The following CCNP variants were observed in gnomAD, a reference collection of about 807,000 sequenced individuals.
The protein encoded by CCNP is cyclin-P.
A neutral mutation model predicts 19.6 loss-of-function variants in CCNP; 18 were observed. That is an observed-to-expected ratio of 0.92 (90% CI 0.64 to 1.36). The LOEUF (loss-of-function observed/expected upper bound fraction) is 1.36. CCNP is among the 40% of genes most tolerant of loss of function. The probability of loss-of-function intolerance (pLI) is 0.00; values close to 1 mark genes in which losing one functional copy is unlikely to be tolerated. For missense variants in CCNP, 440 were observed against 424.4 expected, an observed-to-expected ratio of 1.04 and a Z score of -0.32; for synonymous variants, 228 against 194.9, an observed-to-expected ratio of 1.17 and a Z score of -1.41.
At position 40,223,535 on chromosome 19, in the gene CCNP, G is replaced by C. The variant is rs1973488243; in HGVS notation, c.525C>G (p.Leu175=). The C allele has an allele frequency of 6.3e-7, 1 of 1,599,704 alleles. No homozygotes were observed. The highest frequency in any genetic ancestry group is 1.1e-5 in the South Asian group (1 of 89,904). Residue 175 remains leucine (L), a synonymous_variant, in exon 4 of 5, where the codon CTC becomes CTG. Coordinates refer to ENST00000430325, the MANE Select transcript of CCNP (RefSeq NM_024877.4). ...AGAAGGAGTCCGCGCTCAGGAGGCA[G>C]AGGAAGGCGGGCTGCAGATGGGGGA... ...EECVLPEPAF[L]CLLSADSFSR...
At position 40,226,506 on chromosome 19, in the gene CCNP, C is replaced by T. The variant is rs551585907; in HGVS notation, c.136G>A (p.Asp46Asn). 1.7e-5 allele frequency: 27 copies of T among 1,598,032 alleles called. No individual in the cohort carries two copies. The South Asian group carries it at 2.0e-4, about 12-fold the overall frequency. ...DAEPSSAAVP[D>N]GFPAGPTVSP... ...ACAGTGGGGCCCGCGGGGAAGCCGTCGGGGACTGCGGCGCTTGAAGGCTCT... is the reference window on the plus strand; with the variant it reads ...ACAGTGGGGCCCGCGGGGAAGCCGTTGGGGACTGCGGCGCTTGAAGGCTCT... The change falls in exon 1 of 5, where the codon GAC becomes AAC. Residue 46 changes from aspartate (D) to asparagine (N), a missense_variant. Physicochemically the swap from Asp to Asn is conservative, Grantham distance 23 (BLOSUM62 1). Transcript: ENST00000430325.
In CCNP at chr19:40,223,077, G is replaced by T. The variant is rs1488386798; in HGVS notation, c.899C>A (p.Ser300Tyr). Residue 300 changes from serine to tyrosine, a missense_variant, in exon 5 of 5, where the codon TCT becomes TAT. Coordinates refer to ENST00000430325, the MANE Select transcript of CCNP (RefSeq NM_024877.4). ...RDLPSWSFLR[S>Y]RRMRDNY ...TCAATAATTGTCTCTCATTCTCCGA[G>T]ACCGTAAAAATGACCAGGAAGGTAA... is the stretch of plus-strand genomic sequence containing the variant. 2 of 1,543,990 alleles carry T rather than the reference G, an allele frequency of 1.3e-6. No individual in the cohort carries two copies. Among genetic ancestry groups the T allele is most frequent in the East Asian group, 2.4e-5 (1 of 40,864 alleles).
In CCNP at chr19:40,224,493, G is replaced by A; in HGVS notation, c.508C>T (p.Pro170Ser). The A allele has an allele frequency of 6.2e-7, 1 of 1,614,056 alleles. No homozygotes were observed. The highest frequency in any genetic ancestry group is 8.5e-7 in the Non-Finnish European group (1 of 1,180,000). ...VACKMEECVL[P>S]EPAFLCLLSA... is the part of the protein sequence containing the mutation. ...AAACCCCACCCCGGAAGTACCTCGG[G>A]AAGCACGCACTCTTCCATTTTGCAC... is the stretch of plus-strand genomic sequence containing the variant. Residue 170 changes from proline to serine, a missense_variant, in exon 3 of 5, where the codon CCC (proline) becomes TCC (serine). Coordinates refer to ENST00000430325, the MANE Select transcript of CCNP (RefSeq NM_024877.4).
chr19:40,226,276 A>C, intron 1 of CCNP, 99 bp downstream of exon 1: 4 of 1,044,776 alleles, frequency 3.8e-6, no homozygotes, highest in Non-Finnish European at 4.2e-6. Flanking sequence ...AGTGATAGGG[A>C]GGAGAGGCTG....
In CCNP at chr19:40,223,069, T is replaced by C; in HGVS notation, c.907A>G (p.Met303Val). The change falls in exon 5 of 5, where the codon ATG (methionine) becomes GTG (valine). Residue 303 changes from methionine (M) to valine (V), a missense_variant. Met to Val is a conservative substitution (Grantham distance 21). Transcript: ENST00000430325. The stretch of plus-strand genomic sequence containing the variant: ...CCTCCTCCTCAATAATTGTCTCTCA[T>C]TCTCCGAGACCGTAAAAATGACCAG... Reference protein sequence around the residue: ...PSWSFLRSRRMRDNY With the variant: ...PSWSFLRSRRVRDNY 1 of 1,535,566 alleles carries C rather than the reference T, an allele frequency of 6.5e-7. No homozygotes were observed. Among genetic ancestry groups the C allele is most frequent in the South Asian group, 1.2e-5 (1 of 83,234 alleles).
At chr19:40,224,960 C>T (rs528132429) in intron 1 of CCNP, 149 bp from the exon 2 acceptor site, 11 of 661,062 alleles carry the variant, frequency 1.7e-5, no homozygotes, top group Admixed American at 5.6e-5. Context: ...GCTCCTCTTA[C>T]GTGTCCTCAC....
intron 2 of CCNP, 39 bp downstream of exon 2, chr19:40,224,683 G>A: frequency 1.9e-6 from 3 of 1,611,296 alleles, no homozygotes; most frequent in Non-Finnish European, 2.5e-6. Flanking sequence ...CCTGGGCGGC[G>A]ACGCAAACTC....
Position 40,223,185 on chromosome 19 carries a change from C to G in CCNP, c.791G>C (p.Gly264Ala), listed in dbSNP as rs1973476307. 6.4e-7 allele frequency: 1 copy of G among 1,551,132 alleles called. No homozygotes were observed. The highest frequency in any genetic ancestry group is 1.2e-5 in the South Asian group (1 of 84,052). Residue 264 changes from glycine to alanine, a missense_variant, in exon 5 of 5, where the codon GGG (glycine) becomes GCG (alanine). By Grantham distance (60) the Gly-to-Ala change is moderately conservative. Transcript: ENST00000430325. ...TTCTGGCTGGAGCCTGGAGCCCGCC[C>G]CGTCGAGCAAGCGGTGCGCCAGGCT... is the stretch of plus-strand genomic sequence containing the variant. ...ALSLAHRLLDGAGSRLQPELY... is the reference protein window; with the variant it reads ...ALSLAHRLLDAAGSRLQPELY...
chr19:40,226,158 T>G (rs1292364377), intron 1 of CCNP, among the ~76,000 whole-genome samples: 1 of 152,232 alleles, frequency 6.6e-6, no homozygotes, highest in Admixed American at 6.5e-5. Flanking sequence ...CAGGAGGGAC[T>G]GCAAAGAGCC....
chr19:40,226,473 T>G lies in CCNP; in HGVS notation c.169A>C (p.Arg57=). The change falls in exon 1 of 5, where the codon AGA becomes CGA. Residue 57 remains arginine, a synonymous_variant. Transcript: ENST00000430325. ...AGCCCCGGCGGCCTCGCCAGGCGTC[T>G]TGGGGAGACAGTGGGGCCCGCGGGG... ...GFPAGPTVSP[R]RLARPPGLEE... The G allele has an allele frequency of 6.2e-7, 1 of 1,607,150 alleles. No homozygotes were observed. Among genetic ancestry groups the G allele is most frequent in the Non-Finnish European group, 8.5e-7 (1 of 1,177,970 alleles).
chr19:40,226,480 GAC>G lies in CCNP; in HGVS notation c.160_161del (p.Val54LeufsTer73). 1 of 1,606,172 alleles carries G rather than the reference GAC, an allele frequency of 6.2e-7. No individual in the cohort carries two copies. Among genetic ancestry groups the G allele is most frequent in the Non-Finnish European group, 8.5e-7 (1 of 1,177,488 alleles). ...VPDGFPAGPT[V>X]SPRRLARPPG... ...GCGGCCTCGCCAGGCGTCTTGGGGA[GAC>G]AGTGGGGCCCGCGGGGAAGCCGTCG... On this transcript the variant is annotated frameshift_variant, in exon 1 of 5. Coordinates refer to ENST00000430325, the MANE Select transcript of CCNP (RefSeq NM_024877.4). LOFTEE classifies it high-confidence loss of function.
intron 3 of CCNP, 145 bp from the exon 4 acceptor site, chr19:40,223,691 G>A (rs781693253): frequency 8.5e-7 from 1 of 1,175,712 alleles, no homozygotes; most frequent in Non-Finnish European, 1.2e-6. Context: ...GTCGTAGAGA[G>A]CACGGGCTTG....
chr19:40,224,565 G>A lies in CCNP; in HGVS notation c.436C>T (p.Arg146Cys), dbSNP rs1454738726. The change falls in exon 3 of 5, where the codon CGT becomes TGT. Residue 146 changes from arginine (R) to cysteine (C), a missense_variant. Physicochemically the swap from Arg to Cys is radical, Grantham distance 180 (BLOSUM62 -3). Coordinates refer to ENST00000430325, the MANE Select transcript of CCNP (RefSeq NM_024877.4). ...CCCAGCAGCTGCAGGCGATGTAGAC[G>A]CACGCGGCCAGCGCTCAGGTAGGAA... ...LDSYLSAGRVRLHRLQLLGVA... is the reference protein window; with the variant it reads ...LDSYLSAGRVCLHRLQLLGVA... 4.3e-6 allele frequency: 7 copies of A among 1,614,088 alleles called. No homozygotes were observed. Among genetic ancestry groups the A allele is most frequent in the Admixed American group, 1.7e-5 (1 of 60,012 alleles).
At chr19:40,224,885 G>T in intron 1 of CCNP, 74 bp from the exon 2 acceptor site, 1 of 1,304,956 alleles carries the variant, frequency 7.7e-7, no homozygotes, top group Non-Finnish European at 1.1e-6. Flanking sequence ...AGCCCTGGAT[G>T]CAGCAGCCTC....
rs1486095619 is a variant in CCNP at position 40,226,631 on chromosome 19, C to G, written c.11G>C (p.Arg4Thr). ...GGAGCCGGACCCCTGGTCCCTGCCT[C>G]TCACCAGCATCCTCCAGGAGGGTGT... is the stretch of plus-strand genomic sequence containing the variant. MLV[R>T]GRDQGSGSRL... is the part of the protein sequence containing the mutation. Residue 4 changes from arginine (R) to threonine (T), a missense_variant, in exon 1 of 5, where the codon AGA becomes ACA. Transcript: ENST00000430325. 2 of 1,580,506 alleles carry G rather than the reference C, an allele frequency of 1.3e-6. No homozygotes were observed. The highest frequency in any genetic ancestry group is 4.6e-5 in the East Asian group (2 of 43,400).
At chr19:40,224,102 G>GCA (rs1973501151) in intron 3 of CCNP, among the ~76,000 whole-genome samples, 1 of 151,994 alleles carries the variant, frequency 6.6e-6, no homozygotes, top group South Asian at 2.1e-4. Context: ...CTACAGGCGT[G>GCA]CACCACCACA....
chr19:40,226,492 C>T lies in CCNP; in HGVS notation c.150G>A (p.Ala50=), dbSNP rs781324157. The change falls in exon 1 of 5, where the codon GCG becomes GCA. Residue 50 remains alanine, a synonymous_variant. Coordinates refer to ENST00000430325, the MANE Select transcript of CCNP (RefSeq NM_024877.4). ...SSAAVPDGFP[A]GPTVSPRRLA... ...GGCGTCTTGGGGAGACAGTGGGGCC[C>T]GCGGGGAAGCCGTCGGGGACTGCGG... 1 of 1,602,248 alleles carries T rather than the reference C, an allele frequency of 6.2e-7. No individual in the cohort carries two copies. Among genetic ancestry groups the T allele is most frequent in the South Asian group, 1.1e-5 (1 of 89,934 alleles).
intron 1 of CCNP, 80 bp downstream of exon 1, chr19:40,226,295 G>A: frequency 8.1e-7 from 1 of 1,241,454 alleles, no homozygotes; most frequent in South Asian, 1.3e-5. Flanking sequence ...TGGAGCGGTG[G>A]GAGTTCAGAG....
At chr19:40,225,536 C>A (rs1973527044) in intron 1 of CCNP, among the ~76,000 whole-genome samples, 1 of 152,178 alleles carries the variant, frequency 6.6e-6, no homozygotes, top group Non-Finnish European at 1.5e-5. Flanking sequence ...TCACCTCTTC[C>A]CTCTCTCTCC....
Sources: allele counts gnomAD v4.1 joint callset (sites outside exome capture counted in the v4.1 genomes callset), GRCh38; gene constraint gnomAD v4.1.1; transcripts MANE v1.5; gene names NCBI Gene and HGNC (gene_info 2026-07-23, HGNC 2026-07-21).